The following SLC24A4 variants were observed in gnomAD, a reference collection of about 807,000 sequenced individuals.
The protein encoded by SLC24A4 is solute carrier family 24 member 4.
In SLC24A4, 53 loss-of-function variants were observed where a neutral mutation model predicts 79.0. The observed-to-expected ratio is 0.67, with a 90% confidence interval of 0.54 to 0.84. The LOEUF is 0.84. Among genes scored for constraint, SLC24A4 ranks in the 40% least tolerant of loss-of-function variants. The pLI, the probability that SLC24A4 is intolerant of heterozygous loss-of-function variation, is 0.00. For synonymous variants in SLC24A4, 323 were observed against 323.8 expected (o/e 1.00, Z 0.03); for missense variants, 731 against 822.0 (o/e 0.89, Z 1.35).
chr14:92,391,882 C>A (rs1026797602), intron 2 of SLC24A4, among the ~76,000 whole-genome samples: 2 of 152,202 alleles, frequency 1.3e-5, no homozygotes, highest in African/African-American at 4.8e-5. Context: ...TGTGAGTGTG[C>A]CATGGTGGGC....
intron 2 of SLC24A4, among the ~76,000 whole-genome samples, chr14:92,339,016 C>T (rs577271717): frequency 2.6e-5 from 4 of 152,340 alleles, no homozygotes; most frequent in Non-Finnish European, 5.9e-5. Context: ...AGTGGCTACT[C>T]TCTCCCTGGC....
chr14:92,496,440 T>TA lies in SLC24A4; in HGVS notation c.*2819dup, dbSNP rs962425521. ...TACTCTGCTACAGAAATAGGCAATT[T>TA]AAAAAAATGAATTTAGCTCTTCTCA... On this transcript the variant is annotated 3_prime_UTR_variant, in exon 17 of 17. Coordinates refer to ENST00000532405, the MANE Select transcript of SLC24A4 (RefSeq NM_153646.4). The TA allele has an allele frequency of 6.6e-6, 1 of 151,934 alleles. No individual in the cohort carries two copies. The highest frequency in any genetic ancestry group is 2.1e-4 in the South Asian group (1 of 4,810). The allele number at this position is 151,934 out of a possible 1,614,324, so 9.4% of individuals were successfully genotyped here. A position where few individuals can be genotyped will look rare whatever the true frequency, so the allele number is the denominator to read the frequency against.
chr14:92,351,902 G>A (rs879744398), intron 2 of SLC24A4, among the ~76,000 whole-genome samples: 2 of 131,246 alleles, frequency 1.5e-5, no homozygotes, highest in Non-Finnish European at 3.2e-5. Flanking sequence ...GGAAGGAAAG[G>A]AAGGAAGGAA....
At chr14:92,367,130 A>T (rs955780303) in intron 2 of SLC24A4, among the ~76,000 whole-genome samples, 1 of 152,220 alleles carries the variant, frequency 6.6e-6, no homozygotes, top group Non-Finnish European at 1.5e-5. Flanking sequence ...CAGCAGGCAG[A>T]CAGGAAAAAG....
intron 16 of SLC24A4, chr14:92,493,011 CACACACAGAG>C (rs1895781159): frequency 3.7e-6 from 1 of 266,904 alleles, no homozygotes; most frequent in Non-Finnish European, 7.3e-6. Flanking sequence ...CACACACACA[CACACACAGAG>C]AAAGATTTGC....
chr14:92,331,149 A>G (rs1424912115), intron 2 of SLC24A4, among the ~76,000 whole-genome samples: 9 of 152,224 alleles, frequency 5.9e-5, no homozygotes, highest in Admixed American at 2.0e-4. Flanking sequence ...CAGATCTTCC[A>G]GGATGGGCTC....
chr14:92,362,562 C>T (rs1377696387), intron 2 of SLC24A4, among the ~76,000 whole-genome samples: 1 of 152,200 alleles, frequency 6.6e-6, no homozygotes, highest in Non-Finnish European at 1.5e-5. Flanking sequence ...GATGGGCATC[C>T]ATAGAAGGGA....
rs1471111595 is a variant in SLC24A4 at position 92,323,423 on chromosome 14, G to A, written c.-408G>A. ...GAGTGGGCGCGGCGGCGCGGGGCGC[G>A]GGGGCGCACTGAGTGCTCCCTACGG... On this transcript the variant is annotated 5_prime_UTR_variant, in exon 1 of 17. Coordinates refer to ENST00000532405, the MANE Select transcript of SLC24A4 (RefSeq NM_153646.4). The surrounding 1 kb of genome is among the most constrained non-coding windows in gnomAD (Gnocchi z 4.9). 6.6e-6 allele frequency among the ~76,000 whole-genome samples: 1 copy of A among 151,870 alleles called. No individual in the cohort carries two copies. The highest frequency in any genetic ancestry group is 1.9e-4 in the East Asian group (1 of 5,142).
At chr14:92,464,799 T>C (rs951294656) in intron 12 of SLC24A4, among the ~76,000 whole-genome samples, 3 of 152,198 alleles carry the variant, frequency 2.0e-5, no homozygotes, top group Non-Finnish European at 4.4e-5. Context: ...ACGGGCGTTG[T>C]AGTGAAGCTG....
rs1158311623 is a variant in SLC24A4, at chr14:92,484,489, T to C, written c.1422+1643T>C. The C allele has an allele frequency of 4.1e-6, 4 of 985,276 alleles. No homozygotes were observed. In the African/African-American group the frequency reaches 7.0e-5, roughly 17 times the overall value. The allele number at this position is 985,276 out of a possible 1,614,324, so 61.0% of individuals were successfully genotyped here. A position where few individuals can be genotyped will look rare whatever the true frequency, so the allele number is the denominator to read the frequency against. On this transcript the variant is annotated intron_variant, in intron 13 of 16. Coordinates refer to ENST00000532405, the MANE Select transcript of SLC24A4 (RefSeq NM_153646.4). Reference sequence around the variant, plus strand: ...AGCTCAGGACGGACTCTGTGACTCCTGGTACCGGCTTAGAGCTCTGTATCC... The same window carrying C: ...AGCTCAGGACGGACTCTGTGACTCCCGGTACCGGCTTAGAGCTCTGTATCC...
chr14:92,328,954 G>A (rs1276600391), intron 2 of SLC24A4, among the ~76,000 whole-genome samples: 1 of 152,254 alleles, frequency 6.6e-6, no homozygotes, highest in Non-Finnish European at 1.5e-5. Context: ...CTCCCATCCT[G>A]GGGCTTTCTG....
At chr14:92,438,195 A>C (rs1279991978) in intron 3 of SLC24A4, among the ~76,000 whole-genome samples, 1 of 152,234 alleles carries the variant, frequency 6.6e-6, no homozygotes, top group African/African-American at 2.4e-5. Context: ...ACAACCTGCT[A>C]TAAATCAGGA....
At chr14:92,336,089 C>T (rs1004239322) in intron 2 of SLC24A4, among the ~76,000 whole-genome samples, 4 of 152,170 alleles carry the variant, frequency 2.6e-5, no homozygotes, top group Non-Finnish European at 5.9e-5. Context: ...GTAGATTCTC[C>T]GCTCTTGATG....
In SLC24A4 at chr14:92,430,433, C is replaced by T. The variant is rs1206206808; in HGVS notation, c.242-3479C>T. 2.6e-5 allele frequency among the ~76,000 whole-genome samples: 4 copies of T among 152,198 alleles called. No individual in the cohort carries two copies. In the South Asian group the frequency reaches 6.2e-4, roughly 24 times the overall value. Reference sequence around the variant, plus strand: ...CAGCTCAGGTGTGCCTGGAGGCCTCCGAATGGCAGATTGTAGGGTGCTGAG... The same window carrying T: ...CAGCTCAGGTGTGCCTGGAGGCCTCTGAATGGCAGATTGTAGGGTGCTGAG... On this transcript the variant is annotated intron_variant, in intron 2 of 16. Transcript: ENST00000532405.
At position 92,345,325 on chromosome 14, in the gene SLC24A4, T is replaced by C. The variant is rs575186478; in HGVS notation, c.241+19347T>C. Among the ~76,000 whole-genome samples, 18 of 152,354 alleles carry C rather than the reference T, an allele frequency of 1.2e-4. No individual in the cohort carries two copies. The East Asian group carries it at 3.3e-3, about 28-fold the overall frequency. ...GGAGCAAGTTACTTATGAACCCTTC[T>C]GCGCCTCTGTTTCACTGTCTGTAGC... On this transcript the variant is annotated intron_variant, in intron 2 of 16. Transcript: ENST00000532405.
chr14:92,411,766 G>A (rs1331561194), intron 2 of SLC24A4, among the ~76,000 whole-genome samples: 1 of 152,136 alleles, frequency 6.6e-6, no homozygotes, highest in Non-Finnish European at 1.5e-5. Context: ...TATATAAGGG[G>A]CACTGTCTAG....
At chr14:92,484,464 AG>A in intron 13 of SLC24A4, 2 of 985,316 alleles carry the variant, frequency 2.0e-6, no homozygotes, top group Non-Finnish European at 2.4e-6. Flanking sequence ...CCCAAAAGGA[AG>A]CTCAGGACGG....
chr14:92,382,944 A>T (rs1302967828), intron 2 of SLC24A4, among the ~76,000 whole-genome samples: 1 of 152,148 alleles, frequency 6.6e-6, no homozygotes, highest in Non-Finnish European at 1.5e-5. Context: ...AACCTGCACC[A>T]CGGGACCTGC....
At chr14:92,326,721 C>T (rs754058638) in intron 2 of SLC24A4, among the ~76,000 whole-genome samples, 2 of 152,142 alleles carry the variant, frequency 1.3e-5, no homozygotes, top group Non-Finnish European at 2.9e-5. Context: ...CTGGCTGTAA[C>T]CCTTAAGGTC....
Sources: gnomAD v4.1 joint callset for allele counts (sites outside exome capture counted in the v4.1 genomes callset) on GRCh38, gnomAD v4.1.1 for gene constraint, Gnocchi (gnomAD v3.1) non-coding constraint, MANE v1.5 for transcripts, NCBI Gene and HGNC (gene_info 2026-07-23, HGNC 2026-07-21) for gene names.